Variants in AUTS2 observed in about 807,000 individuals in gnomAD.
AUTS2 encodes autism susceptibility gene 2 protein.
A neutral mutation model predicts 112.4 loss-of-function variants in AUTS2; 17 were observed. That is an observed-to-expected ratio of 0.15 (90% CI 0.10 to 0.23). AUTS2 has a LOEUF of 0.23. Ranked by LOEUF, AUTS2 falls within the 10% of genes least tolerant of loss-of-function variation. The probability of loss-of-function intolerance (pLI) is 1.00; values close to 1 mark genes in which losing one functional copy is unlikely to be tolerated. For synonymous variants in AUTS2, 751 were observed against 702.7 expected, an observed-to-expected ratio of 1.07 and a Z score of -1.09; for missense variants, 1,510 against 1,701.6, an observed-to-expected ratio of 0.89 and a Z score of 1.98.
chr7:69,845,412 C>T (rs558249546), intron 1 of AUTS2, among the ~76,000 whole-genome samples: 3 of 152,178 alleles, frequency 2.0e-5, no homozygotes, highest in Admixed American at 1.3e-4. Flanking sequence ...TCCTGAGGCT[C>T]GTCTCATTGC....
intron 4 of AUTS2, among the ~76,000 whole-genome samples, chr7:70,405,183 T>G (rs1319096349): frequency 2.0e-5 from 3 of 152,212 alleles, no homozygotes; most frequent in Non-Finnish European, 4.4e-5. Context: ...AAAGCTATAT[T>G]TATGTGCTAA....
intron 5 of AUTS2, among the ~76,000 whole-genome samples, chr7:70,443,920 C>T (rs1251408409): frequency 1.3e-5 from 2 of 152,296 alleles, no homozygotes; most frequent in East Asian, 1.9e-4. Flanking sequence ...CAAGAACTCA[C>T]TTGTTTGGTA....
At chr7:69,964,498 A>T (rs1281453951) in intron 2 of AUTS2, among the ~76,000 whole-genome samples, 1 of 152,186 alleles carries the variant, frequency 6.6e-6, no homozygotes, top group Non-Finnish European at 1.5e-5. Context: ...GCTAAAATTT[A>T]GTACGTTATC....
At chr7:70,718,847 A>G (rs1372552396) in intron 6 of AUTS2, among the ~76,000 whole-genome samples, 2 of 152,092 alleles carry the variant, frequency 1.3e-5, no homozygotes, top group South Asian at 2.1e-4. Context: ...AGGTGACTAT[A>G]TAACTTACTG....
chr7:70,227,115 C>T (rs1297872053), intron 4 of AUTS2, among the ~76,000 whole-genome samples: 2 of 152,102 alleles, frequency 1.3e-5, no homozygotes, highest in African/African-American at 4.8e-5. Flanking sequence ...AACTAGATGG[C>T]TGTCTGAAGA....
chr7:70,602,493 A>C (rs1378974732), intron 5 of AUTS2, among the ~76,000 whole-genome samples: 1 of 152,224 alleles, frequency 6.6e-6, no homozygotes, highest in African/African-American at 2.4e-5. Flanking sequence ...AGGTCTCCGG[A>C]TGCCAGGCAC....
chr7:70,265,800 T>C (rs929879394), intron 4 of AUTS2, among the ~76,000 whole-genome samples: 1 of 152,206 alleles, frequency 6.6e-6, no homozygotes, highest in East Asian at 1.9e-4. Flanking sequence ...GTCTAATTTT[T>C]TATAACTTAA....
At chr7:70,578,215 A>G (rs1802263850) in intron 5 of AUTS2, among the ~76,000 whole-genome samples, 2 of 152,248 alleles carry the variant, frequency 1.3e-5, no homozygotes, top group Admixed American at 1.3e-4. Context: ...AGTTAGAGCT[A>G]AAAGGGACCT....
chr7:70,428,924 A>T (rs1358199229), intron 4 of AUTS2, among the ~76,000 whole-genome samples: 3 of 151,334 alleles, frequency 2.0e-5, no homozygotes, highest in Non-Finnish European at 4.4e-5. Context: ...TAAAACACAG[A>T]TACCGAGATT....
intron 2 of AUTS2, among the ~76,000 whole-genome samples, chr7:70,040,717 G>A (rs6415223): frequency 0.37 from 55,582 of 152,010 alleles, 10,732 homozygotes; most frequent in African/African-American, 0.49. Flanking sequence ...GTGTGGACAT[G>A]ATTTGCTTTG....
At chr7:70,693,550 G>T (rs547598063) in intron 5 of AUTS2, among the ~76,000 whole-genome samples, 1 of 152,338 alleles carries the variant, frequency 6.6e-6, no homozygotes, top group South Asian at 2.1e-4. Context: ...AGGAGGTTAG[G>T]TGAAGACCTT....
chr7:69,810,836 A>G (rs1184433418), intron 1 of AUTS2, among the ~76,000 whole-genome samples: 1 of 152,214 alleles, frequency 6.6e-6, no homozygotes, highest in African/African-American at 2.4e-5. Context: ...ACTGTTTTTG[A>G]GAGCTTTTTA....
intron 2 of AUTS2, among the ~76,000 whole-genome samples, chr7:70,026,374 G>A (rs991586341): frequency 6.6e-6 from 1 of 152,202 alleles, no homozygotes; most frequent in Non-Finnish European, 1.5e-5. Context: ...GCAGACAGAG[G>A]TGAGAGCAGG....
chr7:69,689,811 A>G (rs1463346519), intron 1 of AUTS2, among the ~76,000 whole-genome samples: 2 of 148,750 alleles, frequency 1.3e-5, no homozygotes, highest in African/African-American at 2.5e-5. Context: ...CCGAGTAGCT[A>G]GGATTACAGG....
At chr7:70,037,436 T>C (rs907869413) in intron 2 of AUTS2, among the ~76,000 whole-genome samples, 4 of 152,222 alleles carry the variant, frequency 2.6e-5, no homozygotes, top group Admixed American at 6.5e-5. Flanking sequence ...CATGGATATG[T>C]TCACTTGTTT....
intron 5 of AUTS2, among the ~76,000 whole-genome samples, chr7:70,568,782 A>C (rs1236822942): frequency 1.3e-5 from 2 of 152,214 alleles, no homozygotes; most frequent in Non-Finnish European, 2.9e-5. Context: ...CCACCTGGAG[A>C]GACCTTTGAA....
At chr7:69,784,104 G>A (rs375494496) in intron 1 of AUTS2, among the ~76,000 whole-genome samples, 18 of 152,148 alleles carry the variant, frequency 1.2e-4, no homozygotes, top group African/African-American at 4.1e-4. Context: ...GACACCGAAC[G>A]TTGTCTACAC....
chr7:70,528,914 A>G (rs1799967614), intron 5 of AUTS2, among the ~76,000 whole-genome samples: 1 of 152,126 alleles, frequency 6.6e-6, no homozygotes, highest in South Asian at 2.1e-4. Context: ...ATGAAGGAGG[A>G]TAATAGCAAC....
intron 4 of AUTS2, among the ~76,000 whole-genome samples, chr7:70,281,883 T>C (rs1788231554): frequency 6.6e-6 from 1 of 152,224 alleles, no homozygotes; most frequent in South Asian, 2.1e-4. Flanking sequence ...AGCAGTCTAC[T>C]CTTATCTGCT....
Sources: allele counts gnomAD v4.1 joint callset (sites outside exome capture counted in the v4.1 genomes callset), GRCh38; gene constraint gnomAD v4.1.1; transcripts MANE v1.5; gene names NCBI Gene and HGNC (gene_info 2026-07-23, HGNC 2026-07-21).